Variants in FRMD4B observed in about 807,000 individuals in gnomAD.
FRMD4B encodes the protein FERM domain-containing protein 4B.
In FRMD4B, 74 loss-of-function variants were observed where a neutral mutation model predicts 141.5. The observed-to-expected ratio is 0.52, with a 90% CI of 0.43 to 0.63. The LOEUF (loss-of-function observed/expected upper bound fraction) is 0.63. FRMD4B is among the 30% of genes least tolerant of loss of function. The pLI, the probability that FRMD4B is intolerant of heterozygous loss-of-function variation, is 0.00. For synonymous variants in FRMD4B, 506 were observed against 467.9 expected, an observed-to-expected ratio of 1.08 and a Z score of -1.05; for missense variants, 1,366 against 1,253.4, an observed-to-expected ratio of 1.09 and a Z score of -1.36.
intron 2 of FRMD4B, among the ~76,000 whole-genome samples, chr3:69,410,107 C>A (rs1410221422): frequency 1.3e-5 from 2 of 152,200 alleles, no homozygotes; most frequent in Non-Finnish European, 2.9e-5. Context: ...ACAGAACAGA[C>A]CCCTGGCTTG....
At position 69,260,347 on chromosome 3, in the gene FRMD4B, C is replaced by G. The variant is rs74883241; in HGVS notation, c.502-10248G>C. On this transcript the variant is annotated intron_variant, in intron 5 of 22. Coordinates refer to ENST00000398540, the MANE Select transcript of FRMD4B (RefSeq NM_015123.3). ...AGCACGAGTTCCGGGTGGGCGTGGG[C>G]TCGGCAGCCTCTGCACCCGGAGCGG... Among the ~76,000 whole-genome samples the G allele has an allele frequency of 7.2e-5, 11 of 152,332 alleles. No individual in the cohort carries two copies. In the East Asian group the frequency reaches 2.1e-3, roughly 29 times the overall value.
intron 5 of FRMD4B, 142 bp downstream of exon 5, chr3:69,287,610 G>A (rs1050838493): frequency 3.2e-6 from 2 of 625,400 alleles, no homozygotes; most frequent in Non-Finnish European, 5.7e-6. Flanking sequence ...TGTGTAGTTG[G>A]GGGGTAGGAC....
intron 1 of FRMD4B, among the ~76,000 whole-genome samples, chr3:69,343,527 A>G (rs1389583260): frequency 6.6e-6 from 1 of 150,954 alleles, no homozygotes; most frequent in African/African-American, 2.4e-5. Context: ...CCTAAAAATC[A>G]TATTAATTAA....
chr3:69,263,329 G>A (rs1172381709), intron 5 of FRMD4B, among the ~76,000 whole-genome samples: 3 of 151,760 alleles, frequency 2.0e-5, no homozygotes, highest in Admixed American at 6.6e-5. Context: ...GAAAATGTGA[G>A]GGGCTTCTTG....
At chr3:69,220,603 GCAT>G (rs2093184559) in intron 9 of FRMD4B, among the ~76,000 whole-genome samples, 1 of 152,162 alleles carries the variant, frequency 6.6e-6, no homozygotes, top group Non-Finnish European at 1.5e-5. Context: ...TATAATCCCA[GCAT>G]TTTGGGAGGC....
chr3:69,182,777 T>G (rs1438173925), intron 19 of FRMD4B, 60 bp from the exon 20 acceptor site: 1 of 1,556,498 alleles, frequency 6.4e-7, no homozygotes, highest in Non-Finnish European at 8.8e-7. Flanking sequence ...TCTGGCAAAC[T>G]TGTCATAAGC....
chr3:69,365,505 G>GTTTTGTTTTGTTTTT (rs770172318), intron 1 of FRMD4B, among the ~76,000 whole-genome samples: 1 of 137,862 alleles, frequency 7.3e-6, no homozygotes. Flanking sequence ...TACAACCTTT[G>GTTTTGTTTTGTTTTT]TTTTTTTTCT....
intron 4 of FRMD4B, among the ~76,000 whole-genome samples, chr3:69,299,138 T>C (rs1021676518): frequency 2.6e-5 from 4 of 152,132 alleles, no homozygotes; most frequent in African/African-American, 9.7e-5. Flanking sequence ...GAACACAACG[T>C]AGCAAAACTC....
In FRMD4B at chr3:69,183,632, A is replaced by G. The variant is rs1312108630; in HGVS notation, c.1920-915T>C. 4.6e-5 allele frequency among the ~76,000 whole-genome samples: 7 copies of G among 151,664 alleles called. No homozygotes were observed. The East Asian group carries it at 1.4e-3, about 30-fold the overall frequency. On this transcript the variant is annotated intron_variant, in intron 19 of 22. Coordinates refer to ENST00000398540, the MANE Select transcript of FRMD4B (RefSeq NM_015123.3). ...GGAGTAGCTGGGACCACAGGCGCCCACCACCACGCCTGGCTAATTTTTTGT... is the reference window on the plus strand; with the variant it reads ...GGAGTAGCTGGGACCACAGGCGCCCGCCACCACGCCTGGCTAATTTTTTGT...
intron 4 of FRMD4B, chr3:69,293,020 G>C: frequency 2.2e-6 from 1 of 454,098 alleles, no homozygotes. Flanking sequence ...TGCTCAGGAA[G>C]GTTTTGTCAC....
At position 69,204,452 on chromosome 3, in the gene FRMD4B, T is replaced by G. The variant is rs1443475833; in HGVS notation, c.877-5678A>C. ...CTGGAAATGACTAAATTTGAGACAGTCACAGCTGCAGTGTATGACTATACA... is the reference window on the plus strand; with the variant it reads ...CTGGAAATGACTAAATTTGAGACAGGCACAGCTGCAGTGTATGACTATACA... On this transcript the variant is annotated intron_variant, in intron 11 of 22. Transcript: ENST00000398540. Among the ~76,000 whole-genome samples, 10 of 152,162 alleles carry G rather than the reference T, an allele frequency of 6.6e-5. No homozygotes were observed. In the South Asian group the frequency reaches 1.9e-3, roughly 28 times the overall value.
chr3:69,221,803 T>C (rs2107747249), intron 9 of FRMD4B, 55 bp downstream of exon 9: 3 of 847,824 alleles, frequency 3.5e-6, no homozygotes, highest in South Asian at 2.8e-5. Context: ...TTTCAAGTGA[T>C]ACCTTCAGAT....
chr3:69,249,586 A>G (rs1212610386), intron 6 of FRMD4B, among the ~76,000 whole-genome samples: 1 of 152,226 alleles, frequency 6.6e-6, no homozygotes, highest in East Asian at 1.9e-4. Flanking sequence ...TTAAACCACA[A>G]TACAGGTAAA....
At chr3:69,468,486 C>T (rs1296791650) in intron 1 of FRMD4B, among the ~76,000 whole-genome samples, 1 of 152,038 alleles carries the variant, frequency 6.6e-6, no homozygotes, top group African/African-American at 2.4e-5. Flanking sequence ...CCTGTTTGGT[C>T]TAGGGGTAAT....
At chr3:69,469,376 A>AT (rs1705849621) in intron 1 of FRMD4B, among the ~76,000 whole-genome samples, 1 of 152,206 alleles carries the variant, frequency 6.6e-6, no homozygotes, top group Non-Finnish European at 1.5e-5. Flanking sequence ...TTCAAAAGAA[A>AT]TGTTCTTAAG....
At chr3:69,274,711 G>T (rs1485410148) in intron 5 of FRMD4B, among the ~76,000 whole-genome samples, 4 of 152,010 alleles carry the variant, frequency 2.6e-5, no homozygotes, top group Non-Finnish European at 4.4e-5. Flanking sequence ...TAGAGACGGG[G>T]TTTTACCATG....
At chr3:69,196,199 C>A in intron 14 of FRMD4B, 56 bp downstream of exon 14, 3 of 1,434,838 alleles carry the variant, frequency 2.1e-6, no homozygotes, top group Admixed American at 2.6e-5. Flanking sequence ...GGTTTATGAC[C>A]GAAAAAACAA....
rs570695096 is a variant in FRMD4B, at chr3:69,216,366, C to A, written c.790-17G>T. 2.4e-5 allele frequency: 32 copies of A among 1,323,150 alleles called. No homozygotes were observed. In the African/African-American group the frequency reaches 4.5e-4, roughly 19 times the overall value. 82.0% of individuals were successfully genotyped at this position (1,323,150 alleles called of 1,614,324 possible). Reference sequence around the variant, plus strand: ...TTGCTTATCCTAGAAGATGAAAAAGCATGAGAACCAAGACCTAGCTGTTAA... The same window carrying A: ...TTGCTTATCCTAGAAGATGAAAAAGAATGAGAACCAAGACCTAGCTGTTAA... On this transcript the variant is annotated splice_polypyrimidine_tract_variant and intron_variant, in intron 10 of 22. Transcript: ENST00000398540.
intron 1 of FRMD4B, among the ~76,000 whole-genome samples, chr3:69,537,690 G>A (rs1056970159): frequency 7.2e-5 from 11 of 152,098 alleles, no homozygotes; most frequent in African/African-American, 1.9e-4. Flanking sequence ...TATTGACCAC[G>A]CTAAAAGTGA....
Sources: gnomAD v4.1 joint callset for allele counts (sites outside exome capture counted in the v4.1 genomes callset) on GRCh38, gnomAD v4.1.1 for gene constraint, MANE v1.5 for transcripts, NCBI Gene and HGNC (gene_info 2026-07-23, HGNC 2026-07-21) for gene names.